Variants in CCDC7 observed in about 807,000 individuals in gnomAD.
The protein encoded by CCDC7 is coiled-coil domain containing 7, also known as coiled-coil domain-containing protein 7.
In CCDC7, 183 loss-of-function variants were observed where a neutral mutation model predicts 196.9. The ratio of observed to expected loss-of-function variants is 0.93; its 90% CI spans 0.82 to 1.05. CCDC7 has a LOEUF of 1.05. Ranked by LOEUF, CCDC7 falls within the 50% of genes least tolerant of loss-of-function variation. The probability of loss-of-function intolerance (pLI) is 0.00; values close to 1 mark genes in which losing one functional copy is unlikely to be tolerated. For synonymous variants in CCDC7, 525 were observed against 484.6 expected, an observed-to-expected ratio of 1.08 and a Z score of -1.10; for missense variants, 1,540 against 1,482.2, an observed-to-expected ratio of 1.04 and a Z score of -0.64.
intron 20 of CCDC7, among the ~76,000 whole-genome samples, chr10:32,640,140 G>C (rs566484995): frequency 6.6e-6 from 1 of 152,114 alleles, no homozygotes; most frequent in Non-Finnish European, 1.5e-5. Flanking sequence ...TGACAGTGGG[G>C]TGTTAAAGTC....
chr10:32,846,311 C>T, intron 36 of CCDC7, 65 bp from the exon 38 acceptor site: 1 of 930,510 alleles, frequency 1.1e-6, no homozygotes, highest in South Asian at 1.5e-5. Flanking sequence ...GTTAAACACA[C>T]ACGTATACAC....
intron 4 of CCDC7, 110 bp from the exon 6 acceptor site, chr10:32,462,907 A>G: frequency 6.7e-7 from 1 of 1,500,598 alleles, no homozygotes; most frequent in South Asian, 1.2e-5. Context: ...CTGATATTTG[A>G]TGGATGAAGA....
intron 13 of CCDC7, among the ~76,000 whole-genome samples, chr10:32,562,223 C>G (rs2055834480): frequency 6.6e-6 from 1 of 152,134 alleles, no homozygotes; most frequent in Non-Finnish European, 1.5e-5. Flanking sequence ...ACCAGAGGTA[C>G]AAGGAGGAAT....
In CCDC7 at chr10:32,565,626, G is replaced by A. The variant is rs777832422; in HGVS notation, c.1197+6G>A. On this transcript the variant is annotated splice_donor_region_variant and intron_variant, in intron 14 of 41. Transcript: ENST00000639629. ...AATTGAAACAGGCTTTACAGGTAAA[G>A]GATGTCATGTTTCTTTAACATTGTT... is the stretch of plus-strand genomic sequence containing the variant. 1 of 1,605,282 alleles carries A rather than the reference G, an allele frequency of 6.2e-7. No individual in the cohort carries two copies. Among genetic ancestry groups the A allele is most frequent in the Non-Finnish European group, 8.5e-7 (1 of 1,175,388 alleles).
intron 18 of CCDC7, among the ~76,000 whole-genome samples, chr10:32,586,993 C>T (rs996340490): frequency 2.6e-5 from 4 of 152,080 alleles, no homozygotes; most frequent in East Asian, 1.9e-4. Context: ...TATCTAAAGA[C>T]GTTTTCTTTT....
chr10:32,627,654 T>C (rs2064244273), intron 18 of CCDC7, among the ~76,000 whole-genome samples: 2 of 151,944 alleles, frequency 1.3e-5, no homozygotes, highest in Admixed American at 6.6e-5. Context: ...GCTTGTCATA[T>C]ATGGCCTTTA....
chr10:32,542,777 G>A (rs1240643447), intron 11 of CCDC7, among the ~76,000 whole-genome samples: 1 of 151,952 alleles, frequency 6.6e-6, no homozygotes, highest in Non-Finnish European at 1.5e-5. Context: ...TAACTCACAA[G>A]TTGCAACCTA....
intron 18 of CCDC7, among the ~76,000 whole-genome samples, chr10:32,597,207 G>A (rs1011452447): frequency 6.6e-6 from 1 of 152,094 alleles, no homozygotes; most frequent in Non-Finnish European, 1.5e-5. Flanking sequence ...ATATTTCTTG[G>A]AGGCTTTGTT....
At chr10:32,731,300 A>T (rs2083926966) in intron 28 of CCDC7, among the ~76,000 whole-genome samples, 1 of 152,174 alleles carries the variant, frequency 6.6e-6, no homozygotes. Flanking sequence ...CATATCTCTA[A>T]TAAAGAACTT....
chr10:32,448,090 C>T (rs1416686636), upstream of CCDC7, among the ~76,000 whole-genome samples: 3 of 152,084 alleles, frequency 2.0e-5, no homozygotes, highest in Non-Finnish European at 4.4e-5. Flanking sequence ...TGCTTGGCAA[C>T]TATGCATTCA....
intron 28 of CCDC7, among the ~76,000 whole-genome samples, chr10:32,753,371 A>C (rs2075949493): frequency 1.3e-5 from 2 of 152,200 alleles, no homozygotes; most frequent in African/African-American, 2.4e-5. Flanking sequence ...CAATAATAAC[A>C]GCAAACATTT....
chr10:32,521,261 T>C (rs1055155072), intron 11 of CCDC7, among the ~76,000 whole-genome samples: 3 of 152,172 alleles, frequency 2.0e-5, no homozygotes, highest in African/African-American at 7.2e-5. Context: ...AAGAATATCA[T>C]TGATATTTTG....
intron 9 of CCDC7, among the ~76,000 whole-genome samples, chr10:32,501,926 T>C (rs894062970): frequency 2.0e-5 from 3 of 152,240 alleles, no homozygotes; most frequent in African/African-American, 7.2e-5. Context: ...TTAAGTCTGC[T>C]GAAGCTGTGC....
chr10:32,834,846 T>C (rs11009107), exon 33 of CCDC7: 618,997 of 1,452,486 alleles, frequency 0.43, 143,305 homozygotes, highest in Non-Finnish European at 0.48. Context: ...AAGGTGTTAA[T>C]GGAAAAGATA....
chr10:32,739,220 T>C (rs1451563235), intron 28 of CCDC7, among the ~76,000 whole-genome samples: 1 of 152,116 alleles, frequency 6.6e-6, no homozygotes, highest in Non-Finnish European at 1.5e-5. Context: ...TTATTTCAAA[T>C]ATTTCTCTTT....
chr10:32,833,358 A>ATTTTT (rs761241804), intron 32 of CCDC7, among the ~76,000 whole-genome samples: 36 of 148,320 alleles, frequency 2.4e-4, no homozygotes, highest in African/African-American at 4.9e-4. Flanking sequence ...TTTTTTAAAA[A>ATTTTT]AAAAAAAAAG....
At chr10:32,628,650 C>T (rs181129995) in intron 18 of CCDC7, among the ~76,000 whole-genome samples, 27 of 152,000 alleles carry the variant, frequency 1.8e-4, no homozygotes, top group Non-Finnish European at 3.1e-4. Context: ...AAACTTTTCT[C>T]TTAGAACTGC....
At chr10:32,737,538 T>C (rs1488358557) in intron 28 of CCDC7, among the ~76,000 whole-genome samples, 1 of 152,186 alleles carries the variant, frequency 6.6e-6, no homozygotes, top group East Asian at 1.9e-4. Context: ...ATCAATTAGA[T>C]CCAGTTGATT....
upstream of CCDC7, among the ~76,000 whole-genome samples, chr10:32,447,764 T>C (rs2031776935): frequency 6.6e-6 from 1 of 152,028 alleles, no homozygotes; most frequent in African/African-American, 2.4e-5. Flanking sequence ...TAGCCGGACG[T>C]GGCAGTGGGC....
Sources: allele counts gnomAD v4.1 joint callset (sites outside exome capture counted in the v4.1 genomes callset), GRCh38; gene constraint gnomAD v4.1.1; transcripts MANE v1.5; gene names NCBI Gene and HGNC (gene_info 2026-07-23, HGNC 2026-07-21).